CYSLTR1: variants seen among roughly 807,000 people sequenced by gnomAD.
CYSLTR1 encodes cysteinyl leukotriene receptor 1, also known as G-protein coupled receptor HG55.
A neutral mutation model predicts 2.1 loss-of-function variants in CYSLTR1; 1 was observed. That is an observed-to-expected ratio of 0.48 (90% CI 0.17 to 2.28). The LOEUF (loss-of-function observed/expected upper bound fraction) is 2.28. CYSLTR1 is among the 30% of genes most tolerant of loss of function. The pLI, the probability that CYSLTR1 is intolerant of heterozygous loss-of-function variation, is 0.26. For synonymous variants in CYSLTR1, 110 were observed against 89.6 expected (o/e 1.23, Z -1.28); for missense variants, 299 against 250.1 (o/e 1.20, Z -1.32).
chrX:78,324,087 A>G lies in CYSLTR1; in HGVS notation c.-115+3218T>C, dbSNP rs140740712. The stretch of plus-strand genomic sequence containing the variant: ...CACAGAGAAAGGAGAGGTCATGATG[A>G]GATGGAGTGGGATGAGACAGAATGA... On this transcript the variant is annotated intron_variant, in intron 1 of 2. Transcript: ENST00000373304. Among the ~76,000 whole-genome samples the G allele has an allele frequency of 3.9e-3, 439 of 111,954 alleles. 1 individual carries two copies. Among genetic ancestry groups the G allele is most frequent in the African/African-American group, 0.014 (423 of 30,865 alleles).
Position 78,273,073 on chromosome X carries a change from A to G in CYSLTR1, c.674T>C (p.Leu225Pro), listed in dbSNP as rs779328785. ...TCCTATAGCCTTTTTATGACTTGAC[A>G]GATTTTTTTTCATTGATTTTTTTAG... ...TLLKKSMKKN[L>P]SSHKKAIGMI... The change falls in exon 3 of 3, where the codon CTG (leucine) becomes CCG (proline). Residue 225 changes from leucine (L) to proline (P), a missense_variant. Leu to Pro is a moderately conservative substitution (Grantham distance 98). Coordinates refer to ENST00000373304, the MANE Select transcript of CYSLTR1 (RefSeq NM_006639.4). The G allele has an allele frequency of 4.1e-6, 5 of 1,210,540 alleles. No homozygotes were observed. Among genetic ancestry groups the G allele is most frequent in the African/African-American group, 1.7e-5 (1 of 57,776 alleles).
At chrX:78,286,010 C>A (rs1405323570) in intron 1 of CYSLTR1, among the ~76,000 whole-genome samples, 1 of 111,812 alleles carries the variant, frequency 8.9e-6, no homozygotes, top group Non-Finnish European at 1.9e-5. Context: ...ATGTTAAGTC[C>A]AATTCAGTTC....
chrX:78,273,642 A>C lies in CYSLTR1; in HGVS notation c.105T>G (p.Val35=). ...VYSTLYSMIS[V]VGFFGNGFVL... is the part of the protein sequence containing the mutation. ...CAAAGCCATTGCCAAAGAAGCCTAC[A>C]ACAGAGATCATAGAGTACAAGGTGG... The change falls in exon 3 of 3, where the codon GTT becomes GTG. Residue 35 remains valine, a synonymous_variant. Transcript: ENST00000373304. 2 of 1,211,928 alleles carry C rather than the reference A, an allele frequency of 1.7e-6. No homozygotes were observed. Among genetic ancestry groups the C allele is most frequent in the Non-Finnish European group, 2.2e-6 (2 of 895,511 alleles).
intron 1 of CYSLTR1, among the ~76,000 whole-genome samples, chrX:78,306,963 T>G (rs949218965): frequency 8.9e-6 from 1 of 112,134 alleles, no homozygotes. Context: ...ATATTTTCAA[T>G]GAAGTAATAA....
At chrX:78,288,128 C>T (rs1023965713) in intron 1 of CYSLTR1, among the ~76,000 whole-genome samples, 2 of 110,560 alleles carry the variant, frequency 1.8e-5, no homozygotes, top group Non-Finnish European at 3.8e-5. Flanking sequence ...TACTTGAGCC[C>T]GTGAGGTCAA....
rs145698400 is a variant in CYSLTR1 at position 78,300,730 on chromosome X, G to T, written c.-114-17190C>A. 5.3e-5 allele frequency among the ~76,000 whole-genome samples: 6 copies of T among 112,842 alleles called. No individual in the cohort carries two copies. In the East Asian group the frequency reaches 1.7e-3, roughly 31 times the overall value. On this transcript the variant is annotated intron_variant, in intron 1 of 2. Transcript: ENST00000373304. ...GAAAGGGACCTGGTTAGAGGTAATTGAATCATGGGGGCAGGTCTATCCCAT... is the reference window on the plus strand; with the variant it reads ...GAAAGGGACCTGGTTAGAGGTAATTTAATCATGGGGGCAGGTCTATCCCAT...
Position 78,272,388 on chromosome X carries a change from A to G in CYSLTR1, c.*345T>C, listed in dbSNP as rs1921303253. On this transcript the variant is annotated 3_prime_UTR_variant, in exon 3 of 3. Transcript: ENST00000373304. The stretch of plus-strand genomic sequence containing the variant: ...TAACTTTTAGCTTGCATGTATTTTT[A>G]TTGACTAATTTTATATATTTTATCG... The G allele has an allele frequency of 7.8e-6, 1 of 127,532 alleles. No individual in the cohort carries two copies. The highest frequency in any genetic ancestry group is 3.4e-4 in the South Asian group (1 of 2,910). The allele number at this position is 127,532 out of a possible 1,213,427, so 10.5% of individuals were successfully genotyped here.
intron 1 of CYSLTR1, chrX:78,321,527 C>T (rs1323312466): frequency 9.1e-6 from 1 of 110,076 alleles, no homozygotes; most frequent in African/African-American, 3.3e-5. Context: ...ACCATCTCTC[C>T]TAAAAATACA....
intron 1 of CYSLTR1, among the ~76,000 whole-genome samples, chrX:78,305,526 A>ATT (rs11390548): frequency 5.6e-5 from 6 of 107,915 alleles, no homozygotes; most frequent in African/African-American, 1.7e-4. Context: ...AAAAAAATTT[A>ATT]TTTTTTTTCT....
At chrX:78,289,167 A>T (rs777571254) in intron 1 of CYSLTR1, among the ~76,000 whole-genome samples, 1 of 108,321 alleles carries the variant, frequency 9.2e-6, no homozygotes, top group Non-Finnish European at 1.9e-5. Flanking sequence ...CCTGTGTCCA[A>T]GTGTTCTCAT....
intron 1 of CYSLTR1, among the ~76,000 whole-genome samples, chrX:78,305,628 C>A (rs1923004059): frequency 8.9e-6 from 1 of 112,208 alleles, no homozygotes; most frequent in Non-Finnish European, 1.9e-5. Flanking sequence ...AAATTTTATG[C>A]CCATTCCTCA....
At chrX:78,273,847 A>G in intron 2 of CYSLTR1, 74 bp from the exon 3 acceptor site, 1 of 904,892 alleles carries the variant, frequency 1.1e-6, no homozygotes, top group Non-Finnish European at 1.5e-6. Context: ...TTTATTTCAT[A>G]GTGTCACTAT....
At chrX:78,292,351 T>G (rs1221163494) in intron 1 of CYSLTR1, among the ~76,000 whole-genome samples, 3 of 112,380 alleles carry the variant, frequency 2.7e-5, no homozygotes, top group Non-Finnish European at 3.8e-5. Context: ...TTGTGATTTC[T>G]GTTCTTTTAC....
intron 2 of CYSLTR1, among the ~76,000 whole-genome samples, chrX:78,274,215 G>T (rs1921460762): frequency 9.0e-6 from 1 of 111,257 alleles, no homozygotes; most frequent in Admixed American, 9.6e-5. Context: ...AATAAAATCT[G>T]GATGAAAATC....
chrX:78,312,043 A>G (rs1042746372), intron 1 of CYSLTR1, among the ~76,000 whole-genome samples: 4 of 112,063 alleles, frequency 3.6e-5, no homozygotes, highest in Admixed American at 2.8e-4. Flanking sequence ...AGCAAAAGGA[A>G]CAAAGCTTGA....
chrX:78,287,084 C>T (rs937086282), intron 1 of CYSLTR1, among the ~76,000 whole-genome samples: 30 of 111,437 alleles, frequency 2.7e-4, no homozygotes, highest in African/African-American at 9.1e-4. Context: ...ATATGCTTTG[C>T]AAATATTTGC....
chrX:78,273,622 C>A lies in CYSLTR1; in HGVS notation c.125G>T (p.Gly42Val). 1 of 1,211,534 alleles carries A rather than the reference C, an allele frequency of 8.3e-7. No individual in the cohort carries two copies. Among genetic ancestry groups the A allele is most frequent in the Non-Finnish European group, 1.1e-6 (1 of 895,474 alleles). The change falls in exon 3 of 3, where the codon GGC (glycine) becomes GTC (valine). Residue 42 changes from glycine (G) to valine (V), a missense_variant. Coordinates refer to ENST00000373304, the MANE Select transcript of CYSLTR1 (RefSeq NM_006639.4). ...MISVVGFFGN[G>V]FVLYVLIKTY... The stretch of plus-strand genomic sequence containing the variant: ...TTTTATGAGGACATAGAGCACAAAG[C>A]CATTGCCAAAGAAGCCTACAACAGA...
intron 1 of CYSLTR1, among the ~76,000 whole-genome samples, chrX:78,309,236 C>A (rs1430810990): frequency 9.0e-6 from 1 of 111,056 alleles, no homozygotes; most frequent in East Asian, 2.8e-4. Context: ...AAGAGGTAGT[C>A]CTGATTGAAC....
At chrX:78,293,121 G>T (rs762807580) in intron 1 of CYSLTR1, among the ~76,000 whole-genome samples, 19 of 111,227 alleles carry the variant, frequency 1.7e-4, no homozygotes, top group African/African-American at 5.9e-4. Context: ...GGTACTGGTT[G>T]TTCCTTTCCA....
Sources: gnomAD v4.1 joint callset for allele counts (sites outside exome capture counted in the v4.1 genomes callset) on GRCh38, gnomAD v4.1.1 for gene constraint, MANE v1.5 for transcripts, NCBI Gene and HGNC (gene_info 2026-07-23, HGNC 2026-07-21) for gene names.